The following MAN2A1 variants were observed in gnomAD, a reference collection of about 807,000 sequenced individuals.
MAN2A1 encodes mannosidase alpha class 2A member 1.
A neutral mutation model predicts 142.6 loss-of-function variants in MAN2A1; 76 were observed. That is an observed-to-expected ratio of 0.53 (90% CI 0.44 to 0.65). The LOEUF (loss-of-function observed/expected upper bound fraction) is 0.65, where lower values mean the gene tolerates loss of function less well. Ranked by LOEUF, MAN2A1 falls within the 30% of genes least tolerant of loss-of-function variation. The pLI is 0.00. For missense variants in MAN2A1, 1,311 were observed against 1,365.1 expected (o/e 0.96, Z 0.62); for synonymous variants, 559 against 473.2 (o/e 1.18, Z -2.35).
intron 20 of MAN2A1, among the ~76,000 whole-genome samples, chr5:109,859,524 C>A (rs560027023): frequency 2.9e-4 from 44 of 152,282 alleles, no homozygotes; most frequent in Non-Finnish European, 8.8e-5. Flanking sequence ...ATTCTGTTGG[C>A]CTGTCTTTCA....
intron 10 of MAN2A1, among the ~76,000 whole-genome samples, chr5:109,787,542 C>T (rs1753625547): frequency 6.6e-6 from 1 of 152,008 alleles, no homozygotes; most frequent in South Asian, 2.1e-4. Flanking sequence ...CAGCTCTATA[C>T]ATCCTGAGAA....
In MAN2A1 at chr5:109,866,938, T is replaced by C; in HGVS notation, c.3375T>C (p.Asn1125=). ...SLMHSPPGTQ[N]ISEINLSPME... is the part of the protein sequence containing the mutation. ...TGCATTCACCTCCCGGCACTCAGAA[T>C]ATAAGTGAGATCAACTTGAGTCCAA... Residue 1125 remains asparagine (N), a synonymous_variant, in exon 22 of 22, where the codon AAT becomes AAC. Transcript: ENST00000261483. 1 of 1,612,998 alleles carries C rather than the reference T, an allele frequency of 6.2e-7. No homozygotes were observed. The highest frequency in any genetic ancestry group is 8.5e-7 in the Non-Finnish European group (1 of 1,179,404).
chr5:109,750,822 A>G (rs777333871), intron 4 of MAN2A1, among the ~76,000 whole-genome samples: 3 of 152,012 alleles, frequency 2.0e-5, no homozygotes, highest in Non-Finnish European at 4.4e-5. Flanking sequence ...CACTAAATCA[A>G]TGGCTGTTTT....
intron 2 of MAN2A1, 126 bp downstream of exon 2, chr5:109,713,900 T>TAA: frequency 1.2e-6 from 1 of 840,400 alleles, no homozygotes; most frequent in Admixed American, 2.8e-5. Flanking sequence ...TCTCTTTTTG[T>TAA]AAAGTATTTT....
intron 9 of MAN2A1, among the ~76,000 whole-genome samples, chr5:109,783,494 G>T (rs955451204): frequency 6.6e-6 from 1 of 152,124 alleles, no homozygotes; most frequent in Non-Finnish European, 1.5e-5. Flanking sequence ...TTCAAGCTTA[G>T]TGATTGTTAC....
intron 7 of MAN2A1, among the ~76,000 whole-genome samples, chr5:109,773,817 A>G (rs989870466): frequency 3.3e-5 from 5 of 152,174 alleles, no homozygotes; most frequent in Non-Finnish European, 7.4e-5. Flanking sequence ...GTAAGTTTTT[A>G]TATTGTGAAT....
chr5:109,761,351 A>G (rs568526437), intron 5 of MAN2A1, among the ~76,000 whole-genome samples: 2 of 151,932 alleles, frequency 1.3e-5, no homozygotes, highest in South Asian at 2.1e-4. Context: ...ATCATATTAT[A>G]TAGTATTTTT....
intron 19 of MAN2A1, chr5:109,854,193 ATGTAACTGG>A (rs1195704895): frequency 2.0e-5 from 3 of 152,232 alleles, no homozygotes; most frequent in African/African-American, 7.2e-5. Context: ...TTTGGTTCAA[ATGTAACTGG>A]TGATCAAAGG....
intron 16 of MAN2A1, among the ~76,000 whole-genome samples, chr5:109,830,033 A>G (rs557857817): frequency 6.6e-6 from 1 of 152,308 alleles, no homozygotes; most frequent in South Asian, 2.1e-4. Context: ...GTTCTTGTTT[A>G]AATTTTAGCA....
At position 109,789,507 on chromosome 5, in the gene MAN2A1, A is replaced by C; in HGVS notation, c.1923A>C (p.Ile641=). Residue 641 remains isoleucine, a synonymous_variant, in exon 12 of 22, where the codon ATA becomes ATC. Coordinates refer to ENST00000261483, the MANE Select transcript of MAN2A1 (RefSeq NM_002372.4). ...SQDSLPQKNI[I]RLSAEPRYLV... ...ATTCTCTGCCACAAAAAAATATAATAAGGCTGAGTGCGGAGCCAAGGTAAA... is the reference window on the plus strand; with the variant it reads ...ATTCTCTGCCACAAAAAAATATAATCAGGCTGAGTGCGGAGCCAAGGTAAA... The C allele has an allele frequency of 6.3e-7, 1 of 1,586,938 alleles. No individual in the cohort carries two copies. Among genetic ancestry groups the C allele is most frequent in the Non-Finnish European group, 8.6e-7 (1 of 1,164,532 alleles).
chr5:109,786,014 G>C (rs906895628), intron 10 of MAN2A1, among the ~76,000 whole-genome samples: 10 of 151,980 alleles, frequency 6.6e-5, no homozygotes, highest in African/African-American at 2.4e-4. Context: ...ATTTTGACTG[G>C]CTTTCTAGAA....
chr5:109,819,343 G>A (rs1561527964), intron 13 of MAN2A1, among the ~76,000 whole-genome samples: 1 of 152,138 alleles, frequency 6.6e-6, no homozygotes, highest in Admixed American at 6.5e-5. Context: ...AGGAGCATCT[G>A]CATTTGCATA....
chr5:109,753,960 G>A (rs1004288719), intron 4 of MAN2A1, among the ~76,000 whole-genome samples: 5 of 150,840 alleles, frequency 3.3e-5, no homozygotes, highest in African/African-American at 9.8e-5. Context: ...CCAGGCTGGA[G>A]TGCAGTGGCG....
At chr5:109,860,087 C>T (rs997277728) in intron 20 of MAN2A1, among the ~76,000 whole-genome samples, 3 of 152,002 alleles carry the variant, frequency 2.0e-5, no homozygotes, top group Non-Finnish European at 4.4e-5. Flanking sequence ...CATTCTGCCT[C>T]TTCTTTTCTT....
intron 8 of MAN2A1, among the ~76,000 whole-genome samples, chr5:109,780,181 C>G (rs1316876963): frequency 6.6e-6 from 1 of 152,042 alleles, no homozygotes; most frequent in Non-Finnish European, 1.5e-5. Flanking sequence ...CCTCAGCCTC[C>G]CGAGTAGCTG....
At chr5:109,840,765 C>G in intron 16 of MAN2A1, 1 of 314,466 alleles carries the variant, frequency 3.2e-6, no homozygotes, top group Non-Finnish European at 6.1e-6. Flanking sequence ...GTGCCCTGCC[C>G]CAGCCAAATA....
intron 19 of MAN2A1, chr5:109,854,444 G>T (rs1183982682): frequency 1.3e-5 from 2 of 152,062 alleles, no homozygotes; most frequent in African/African-American, 4.8e-5. Context: ...ATGTAAGTGT[G>T]TGATAACTAT....
At chr5:109,783,781 T>G (rs1753523577) in intron 9 of MAN2A1, among the ~76,000 whole-genome samples, 1 of 144,478 alleles carries the variant, frequency 6.9e-6, no homozygotes, top group East Asian at 1.9e-4. Flanking sequence ...AGCCATATCC[T>G]CTGATGAAAA....
At chr5:109,828,080 G>C (rs1206756406) in intron 16 of MAN2A1, among the ~76,000 whole-genome samples, 1 of 150,222 alleles carries the variant, frequency 6.7e-6, no homozygotes, top group East Asian at 2.0e-4. Flanking sequence ...ACTCCAACCT[G>C]GGCAACAGAG....
Sources: allele counts gnomAD v4.1 joint callset (sites outside exome capture counted in the v4.1 genomes callset), GRCh38; gene constraint gnomAD v4.1.1; transcripts MANE v1.5; gene names NCBI Gene and HGNC (gene_info 2026-07-23, HGNC 2026-07-21).